The following HOTAIR variants were observed in gnomAD, a reference collection of about 807,000 sequenced individuals.
The protein encoded by HOTAIR is HOX transcript antisense RNA.
chr12:53,970,571 A>G (rs1328087668), intron 1 of HOTAIR, among the ~76,000 whole-genome samples: 1 of 137,502 alleles, frequency 7.3e-6, no homozygotes, highest in Non-Finnish European at 1.6e-5. Flanking sequence ...AGAACATTTT[A>G]AACTTTATGC....
chr12:53,972,082 A>T (rs1939155683), intron 1 of HOTAIR, among the ~76,000 whole-genome samples: 1 of 152,004 alleles, frequency 6.6e-6, no homozygotes, highest in Non-Finnish European at 1.5e-5. Context: ...TGGCCCCACC[A>T]CCCACCTTAC....
intron 3 of HOTAIR, among the ~76,000 whole-genome samples, chr12:53,967,028 A>G (rs773977933): frequency 6.6e-6 from 1 of 152,116 alleles, no homozygotes; most frequent in Non-Finnish European, 1.5e-5. Context: ...CGGAGGACTT[A>G]CCTTTTTCCT....
At chr12:53,971,817 G>C (rs1052783482) in intron 1 of HOTAIR, among the ~76,000 whole-genome samples, 2 of 152,208 alleles carry the variant, frequency 1.3e-5, no homozygotes, top group East Asian at 3.8e-4. Flanking sequence ...GTGCTCAGAG[G>C]GATGGAAGGC....
At chr12:53,963,427 A>G (rs1056081367) in exon 7 of HOTAIR, 1 of 152,250 alleles carries the variant, frequency 6.6e-6, no homozygotes, top group Non-Finnish European at 1.5e-5. Flanking sequence ...ATCTTTCCTT[A>G]GCAACTAAAA....
chr12:53,973,407 T>C lies in HOTAIR; in HGVS notation n.59+1491A>G, dbSNP rs1257807701. The stretch of plus-strand genomic sequence containing the variant: ...CTCCTCCTTCCTGCCCCAGGCCCCC[T>C]CTCGTCAGATCTCCTATCCCTACTC... On this transcript the variant is annotated intron_variant and non_coding_transcript_variant, in intron 1 of 6. Coordinates refer to ENST00000424518, the Ensembl canonical transcript of HOTAIR. This position sits in a 1 kb window ranked among gnomAD's most constrained non-coding sequence, Gnocchi z 4.3. 6.2e-7 allele frequency: 1 copy of C among 1,613,982 alleles called. No individual in the cohort carries two copies. The highest frequency in any genetic ancestry group is 8.5e-7 in the Non-Finnish European group (1 of 1,179,986).
At chr12:53,967,586 G>A (rs998745710) in intron 2 of HOTAIR, among the ~76,000 whole-genome samples, 2 of 152,176 alleles carry the variant, frequency 1.3e-5, no homozygotes, top group Admixed American at 6.5e-5. Flanking sequence ...AGGGGTAGCC[G>A]GGAAGCCCCA....
At chr12:53,969,099 G>C (rs1353691113) in intron 1 of HOTAIR, among the ~76,000 whole-genome samples, 1 of 152,194 alleles carries the variant, frequency 6.6e-6, no homozygotes, top group Non-Finnish European at 1.5e-5. Context: ...GTGGTGAGGC[G>C]GGAGATCTGG....
exon 7 of HOTAIR, chr12:53,963,536 T>A (rs1278358509): frequency 6.6e-6 from 1 of 152,284 alleles, no homozygotes; most frequent in Admixed American, 6.5e-5. Context: ...GGGTTCCGTG[T>A]AGACGCCGCC....
At chr12:53,970,369 A>G (rs1443954984) in intron 1 of HOTAIR, among the ~76,000 whole-genome samples, 1 of 152,196 alleles carries the variant, frequency 6.6e-6, no homozygotes. Flanking sequence ...TAGGGCAAAC[A>G]TCTCAGCTGA....
In HOTAIR at chr12:53,973,771, C is replaced by G. The variant is rs1939194616; in HGVS notation, n.59+1127G>C. ...CCCCCCTGCTCCGGCAAGGGCGAGG[C>G]CAAGGGGGAGCCCGAGGCACCCCCG... is the stretch of plus-strand genomic sequence containing the variant. On this transcript the variant is annotated intron_variant and non_coding_transcript_variant, in intron 1 of 6. Coordinates refer to ENST00000424518, the Ensembl canonical transcript of HOTAIR. This position sits in a 1 kb window ranked among gnomAD's most constrained non-coding sequence, Gnocchi z 4.3. 11 of 1,609,664 alleles carry G rather than the reference C, an allele frequency of 6.8e-6. No homozygotes were observed. The highest frequency in any genetic ancestry group is 9.3e-6 in the Non-Finnish European group (11 of 1,178,226).
chr12:53,963,154 G>A (rs1938983676), exon 7 of HOTAIR: 1 of 152,212 alleles, frequency 6.6e-6, no homozygotes, highest in African/African-American at 2.4e-5. Flanking sequence ...AGCAAAGGCT[G>A]GACCTTTGCT....
Position 53,973,464 on chromosome 12 carries a change from T to C in HOTAIR, n.59+1434A>G, listed in dbSNP as rs756007846. ...AGTGCCCCCGGTCCGGGAGGTCTCC[T>C]ACGGCCTGGAGCCATCCGGCAAGTG... On this transcript the variant is annotated intron_variant and non_coding_transcript_variant, in intron 1 of 6. Coordinates refer to ENST00000424518, the Ensembl canonical transcript of HOTAIR. The surrounding 1 kb of genome is among the most constrained non-coding windows in gnomAD (Gnocchi z 4.3). The C allele has an allele frequency of 1.9e-6, 3 of 1,614,136 alleles. No homozygotes were observed. The highest frequency in any genetic ancestry group is 2.2e-5 in the East Asian group (1 of 44,864).
At position 53,973,759 on chromosome 12, in the gene HOTAIR, G is replaced by GCAAGGGCGAGGC. The variant is rs1205002923; in HGVS notation, n.59+1127_59+1138dup. The GCAAGGGCGAGGC allele has an allele frequency of 1.2e-6, 2 of 1,612,024 alleles. No individual in the cohort carries two copies. Among genetic ancestry groups the GCAAGGGCGAGGC allele is most frequent in the African/African-American group, 2.7e-5 (2 of 74,932 alleles). On this transcript the variant is annotated intron_variant and non_coding_transcript_variant, in intron 1 of 6. Transcript: ENST00000424518. This position sits in a 1 kb window ranked among gnomAD's most constrained non-coding sequence, Gnocchi z 4.3. ...CCGCCCGCCGAGCCCCCCTGCTCCGGCAAGGGCGAGGCCAAGGGGGAGCCC... is the reference window on the plus strand; with the variant it reads ...CCGCCCGCCGAGCCCCCCTGCTCCGGCAAGGGCGAGGCCAAGGGCGAGGCCAAGGGGGAGCCC...
chr12:53,972,980 T>A, intron 1 of HOTAIR: 1 of 189,176 alleles, frequency 5.3e-6, no homozygotes, highest in East Asian at 1.4e-4. Flanking sequence ...GAAAAACGAA[T>A]ACAAATCTGC....
chr12:53,973,459 TCTC>T lies in HOTAIR; in HGVS notation n.59+1436_59+1438del. 1 of 1,612,296 alleles carries T rather than the reference TCTC, an allele frequency of 6.2e-7. No individual in the cohort carries two copies. Among genetic ancestry groups the T allele is most frequent in the Middle Eastern group, 1.6e-4 (1 of 6,062 alleles). On this transcript the variant is annotated intron_variant and non_coding_transcript_variant, in intron 1 of 6. Transcript: ENST00000424518. The surrounding 1 kb of genome is among the most constrained non-coding windows in gnomAD (Gnocchi z 4.3). ...GCCCAAGTGCCCCCGGTCCGGGAGG[TCTC>T]CTACGGCCTGGAGCCATCCGGCAAG...
At chr12:53,972,649 G>A (rs979310242) in intron 1 of HOTAIR, among the ~76,000 whole-genome samples, 4 of 152,176 alleles carry the variant, frequency 2.6e-5, no homozygotes, top group African/African-American at 9.7e-5. Context: ...TTGTGAACAG[G>A]CGGTGTCTCT....
At chr12:53,965,318 A>C (rs1565711620) in intron 5 of HOTAIR, among the ~76,000 whole-genome samples, 1 of 152,252 alleles carries the variant, frequency 6.6e-6, no homozygotes, top group African/African-American at 2.4e-5. Context: ...CTTTGCTCTC[A>C]GTCCAAGGCC....
Position 53,973,296 on chromosome 12 carries a change from G to A in HOTAIR, n.59+1602C>T, listed in dbSNP as rs1447391487. ...CTGCTCTCCGTCGCGCAAGGAGAGG[G>A]GCGCAGATTTCGGCGAGCGAGGGAG... On this transcript the variant is annotated intron_variant and non_coding_transcript_variant, in intron 1 of 6. Transcript: ENST00000424518. The surrounding 1 kb of genome is among the most constrained non-coding windows in gnomAD (Gnocchi z 4.3). 1 of 1,613,852 alleles carries A rather than the reference G, an allele frequency of 6.2e-7. No homozygotes were observed. The highest frequency in any genetic ancestry group is 2.2e-5 in the East Asian group (1 of 44,834).
chr12:53,965,872 G>T (rs921613534), intron 5 of HOTAIR: 2 of 152,268 alleles, frequency 1.3e-5, no homozygotes, highest in Non-Finnish European at 2.9e-5. Context: ...CAGAAGCAAG[G>T]GTCGGCTGTT....
Sources: allele counts gnomAD v4.1 joint callset (sites outside exome capture counted in the v4.1 genomes callset), GRCh38; gene constraint gnomAD v4.1.1; non-coding constraint Gnocchi (gnomAD v3.1); transcripts MANE v1.5; gene names NCBI Gene and HGNC (gene_info 2026-07-23, HGNC 2026-07-21).